Variants in ACYP2 observed in about 807,000 individuals in gnomAD.
ACYP2 encodes acylphosphatase 2.
Under a neutral mutation model 11.2 loss-of-function variants are expected in ACYP2, and 12 were observed. The observed-to-expected ratio is 1.08, with a 90% confidence interval of 0.69 to 1.74. The LOEUF is 1.74. ACYP2 is among the 40% of genes most tolerant of loss of function. The pLI, the probability that ACYP2 is intolerant of heterozygous loss-of-function variation, is 0.00. For missense variants in ACYP2, 134 were observed against 101.9 expected (o/e 1.31, Z -1.35); for synonymous variants, 43 against 32.2 (o/e 1.33, Z -1.13).
At chr2:53,990,369 C>T (rs1672229651) in intron 2 of ACYP2, among the ~76,000 whole-genome samples, 1 of 152,066 alleles carries the variant, frequency 6.6e-6, no homozygotes, top group Non-Finnish European at 1.5e-5. Flanking sequence ...AGAATCCTAG[C>T]TGGGAGCTGT....
At chr2:54,067,515 T>TTC (rs1234372107) in intron 4 of ACYP2, among the ~76,000 whole-genome samples, 1 of 152,230 alleles carries the variant, frequency 6.6e-6, no homozygotes, top group Non-Finnish European at 1.5e-5. Flanking sequence ...TGTTGAAAGA[T>TTC]GAGACTAGGA....
In ACYP2 at chr2:54,180,791, AGCAGTC is replaced by A. The variant is rs1683674207; in HGVS notation, c.404+42046_404+42051del. ...GGTCTGTCTCGAACTCCTGAGCTCA[AGCAGTC>A]GCCTGCCTCAGCCTCCGAAAATTCT... On this transcript the variant is annotated intron_variant, in intron 6 of 6. Coordinates refer to ENST00000607452, the MANE Select transcript of ACYP2 (RefSeq NM_001320586.2). Among the ~76,000 whole-genome samples, 5 of 152,174 alleles carry A rather than the reference AGCAGTC, an allele frequency of 3.3e-5. No individual in the cohort carries two copies. The South Asian group carries it at 8.3e-4, about 25-fold the overall frequency.
chr2:54,051,999 A>T (rs1675889160), intron 3 of ACYP2, among the ~76,000 whole-genome samples: 1 of 152,034 alleles, frequency 6.6e-6, no homozygotes, highest in African/African-American at 2.4e-5. Flanking sequence ...ATGAGCCAAG[A>T]TCGCACCATT....
At chr2:54,001,537 G>A (rs1672801828) in intron 2 of ACYP2, among the ~76,000 whole-genome samples, 1 of 152,052 alleles carries the variant, frequency 6.6e-6, no homozygotes, top group Non-Finnish European at 1.5e-5. Flanking sequence ...GGGATTACAG[G>A]TGCATGCCAC....
chr2:54,131,596 C>T (rs1328251442), intron 4 of ACYP2, among the ~76,000 whole-genome samples: 1 of 151,944 alleles, frequency 6.6e-6, no homozygotes, highest in East Asian at 1.9e-4. Context: ...CCATGTAATT[C>T]GTCTGACTTG....
intron 2 of ACYP2, among the ~76,000 whole-genome samples, chr2:54,017,708 C>A (rs549630109): frequency 1.3e-5 from 2 of 152,134 alleles, no homozygotes; most frequent in African/African-American, 4.8e-5. Context: ...AATAGTATTC[C>A]TTTATCCCCA....
At chr2:54,154,878 C>T (rs1324649831) in intron 6 of ACYP2, among the ~76,000 whole-genome samples, 2 of 152,190 alleles carry the variant, frequency 1.3e-5, no homozygotes, top group African/African-American at 4.8e-5. Flanking sequence ...CAGAATTCAT[C>T]AGTAACACTT....
intron 4 of ACYP2, among the ~76,000 whole-genome samples, chr2:54,116,725 A>G (rs965517168): frequency 6.6e-6 from 1 of 152,176 alleles, no homozygotes; most frequent in African/African-American, 2.4e-5. Context: ...CGACTCGCGG[A>G]TGAAGCAATG....
intron 4 of ACYP2, among the ~76,000 whole-genome samples, chr2:54,092,037 C>T (rs1678262807): frequency 6.6e-6 from 1 of 152,028 alleles, no homozygotes; most frequent in Non-Finnish European, 1.5e-5. Context: ...AGGAGGGAGA[C>T]TTTACAGAGC....
At chr2:54,106,266 AT>A (rs1679152242) in intron 4 of ACYP2, among the ~76,000 whole-genome samples, 1 of 152,078 alleles carries the variant, frequency 6.6e-6, no homozygotes, top group Non-Finnish European at 1.5e-5. Context: ...TTATTATTTT[AT>A]TTGTAGAGAT....
intron 2 of ACYP2, among the ~76,000 whole-genome samples, chr2:54,009,100 C>T (rs572438378): frequency 2.0e-5 from 3 of 151,792 alleles, no homozygotes; most frequent in South Asian, 2.1e-4. Context: ...TTGCAGTGAG[C>T]CAAGACTGTG....
In ACYP2 at chr2:54,074,945, C is replaced by T. The variant is rs76463237; in HGVS notation, c.277+17585C>T. ...CTCACCCAAAATACCCCCACAGTAA[C>T]ATCCAGAATGATGCTTGATCATGTA... On this transcript the variant is annotated intron_variant, in intron 4 of 6. Coordinates refer to ENST00000607452, the MANE Select transcript of ACYP2 (RefSeq NM_001320586.2). Among the ~76,000 whole-genome samples, 187 of 152,348 alleles carry T rather than the reference C, an allele frequency of 1.2e-3. 1 individual carries two copies. The East Asian group carries it at 0.02, about 16-fold the overall frequency.
At chr2:54,188,197 G>T in intron 6 of ACYP2, among the ~76,000 whole-genome samples, 1 of 152,124 alleles carries the variant, frequency 6.6e-6, no homozygotes, top group African/African-American at 2.4e-5. Context: ...GGAGCTTTTT[G>T]GAAGGGAGAA....
At chr2:54,163,708 T>A (rs1327904341) in intron 6 of ACYP2, among the ~76,000 whole-genome samples, 1 of 151,998 alleles carries the variant, frequency 6.6e-6, no homozygotes, top group Non-Finnish European at 1.5e-5. Context: ...TACAAAAAAT[T>A]AGCCAGGTGT....
At chr2:54,081,283 T>C (rs1426377571) in intron 4 of ACYP2, among the ~76,000 whole-genome samples, 2 of 152,184 alleles carry the variant, frequency 1.3e-5, no homozygotes, top group African/African-American at 4.8e-5. Flanking sequence ...AAGCACGGTG[T>C]ATTTGTAATA....
intron 5 of ACYP2, among the ~76,000 whole-genome samples, chr2:54,136,407 T>C (rs954337017): frequency 5.3e-5 from 8 of 152,132 alleles, no homozygotes; most frequent in Non-Finnish European, 8.8e-5. Context: ...CTATCTGAGG[T>C]GGGTCACTAG....
intron 4 of ACYP2, among the ~76,000 whole-genome samples, chr2:54,122,173 C>T (rs552755367): frequency 6.6e-6 from 1 of 152,226 alleles, no homozygotes; most frequent in African/African-American, 2.4e-5. Context: ...AGTCAGATCC[C>T]AGGATGAAAT....
rs563012565 is a variant in ACYP2, at chr2:54,204,064, G to C, written c.404+65316G>C. Among the ~76,000 whole-genome samples the C allele has an allele frequency of 3.3e-5, 5 of 152,036 alleles. No homozygotes were observed. The South Asian group carries it at 1.0e-3, about 32-fold the overall frequency. ...GGCTGGAGTGCAGTGGCACGATCTC[G>C]GCTCACTGCGACCTCTGCCTCCCAC... On this transcript the variant is annotated intron_variant, in intron 6 of 6. Transcript: ENST00000607452.
At chr2:54,052,692 G>C (rs946252553) in intron 3 of ACYP2, among the ~76,000 whole-genome samples, 1 of 152,180 alleles carries the variant, frequency 6.6e-6, no homozygotes, top group Non-Finnish European at 1.5e-5. Context: ...TGCCACCAGA[G>C]GACTTCACTT....
Sources: allele counts gnomAD v4.1 joint callset (sites outside exome capture counted in the v4.1 genomes callset), GRCh38; gene constraint gnomAD v4.1.1; transcripts MANE v1.5; gene names NCBI Gene and HGNC (gene_info 2026-07-23, HGNC 2026-07-21).